DOK6: variants seen among roughly 807,000 people sequenced by gnomAD.
The protein encoded by DOK6 is downstream of tyrosine kinase 6.
DOK6 carries 22 observed loss-of-function variants against 44.0 expected under a neutral mutation model. The observed-to-expected ratio is 0.50, with a 90% CI of 0.36 to 0.71. DOK6 has a LOEUF of 0.71. DOK6 is among the 30% of genes least tolerant of loss of function. The pLI, the probability that DOK6 is intolerant of heterozygous loss-of-function variation, is 0.00. For missense variants in DOK6, 340 were observed against 416.4 expected (o/e 0.82, Z 1.60); for synonymous variants, 166 against 145.5 (o/e 1.14, Z -1.01).
At chr18:69,796,453 T>C (rs909280711) in intron 7 of DOK6, among the ~76,000 whole-genome samples, 2 of 152,148 alleles carry the variant, frequency 1.3e-5, no homozygotes, top group African/African-American at 2.4e-5. Flanking sequence ...CTTTCACCTC[T>C]TTGCCAGCCT....
At chr18:69,565,910 T>A (rs1265890339) in intron 2 of DOK6, among the ~76,000 whole-genome samples, 1 of 152,236 alleles carries the variant, frequency 6.6e-6, no homozygotes, top group East Asian at 1.9e-4. Context: ...GTTATAACTA[T>A]GATTATGACT....
intron 1 of DOK6, among the ~76,000 whole-genome samples, chr18:69,482,989 G>T (rs892697002): frequency 1.3e-5 from 2 of 151,716 alleles, no homozygotes; most frequent in African/African-American, 4.8e-5. Flanking sequence ...TCATAACCCA[G>T]GTATTAAGCC....
intron 6 of DOK6, among the ~76,000 whole-genome samples, chr18:69,756,773 A>C (rs1282088691): frequency 2.0e-5 from 3 of 152,244 alleles, no homozygotes; most frequent in African/African-American, 7.2e-5. Context: ...TACACACCAC[A>C]GTAGCAGAAA....
chr18:69,492,241 A>C (rs1053390439), intron 1 of DOK6, among the ~76,000 whole-genome samples: 1 of 152,172 alleles, frequency 6.6e-6, no homozygotes, highest in Non-Finnish European at 1.5e-5. Context: ...TCACACAATT[A>C]ATTTTAAATT....
In DOK6 at chr18:69,401,093, C is replaced by T. The variant is rs1022605127; in HGVS notation, c.-152C>T. On this transcript the variant is annotated 5_prime_UTR_variant, in exon 1 of 8. Coordinates refer to ENST00000382713, the MANE Select transcript of DOK6 (RefSeq NM_152721.6). ...GGCGGCCCTGCAGGCGACCCCGCGT[C>T]CCCACCGGCGGGAGCTCGGGGAAGA... 9.5e-6 allele frequency: 6 copies of T among 633,930 alleles called. No individual in the cohort carries two copies. Among genetic ancestry groups the T allele is most frequent in the Non-Finnish European group, 1.3e-5 (6 of 457,020 alleles). The allele number at this position is 633,930 out of a possible 1,614,324, so 39.3% of individuals were successfully genotyped here.
At chr18:69,727,770 T>A (rs1216023337) in intron 5 of DOK6, among the ~76,000 whole-genome samples, 1 of 152,220 alleles carries the variant, frequency 6.6e-6, no homozygotes, top group Non-Finnish European at 1.5e-5. Context: ...GTTAAGAAAC[T>A]GTAAATTCTT....
At chr18:69,539,888 G>A (rs981616720) in intron 1 of DOK6, among the ~76,000 whole-genome samples, 4 of 152,010 alleles carry the variant, frequency 2.6e-5, no homozygotes, top group Non-Finnish European at 5.9e-5. Context: ...ATAAATACCC[G>A]GGACTGGGAA....
Position 69,612,091 on chromosome 18 carries a change from A to C in DOK6, c.289+12593A>C, listed in dbSNP as rs137961558. On this transcript the variant is annotated intron_variant, in intron 3 of 7. Transcript: ENST00000382713. ...CTGGGGGAAACTGGACAAAATGTAC[A>C]CAGGATGTCTCTATCATTTCTCATA... Among the ~76,000 whole-genome samples, 237 of 152,304 alleles carry C rather than the reference A, an allele frequency of 1.6e-3. 2 individuals are homozygous for C. Among genetic ancestry groups the C allele is most frequent in the African/African-American group, 5.4e-3 (225 of 41,580 alleles).
At position 69,521,169 on chromosome 18, in the gene DOK6, G is replaced by C. The variant is rs535197928; in HGVS notation, c.67-43318G>C. ...AACCATCTATAAACATTATAGAATT[G>C]TTCTTAAACATCTAGCATCTCTATG... On this transcript the variant is annotated intron_variant, in intron 1 of 7. Transcript: ENST00000382713. Among the ~76,000 whole-genome samples the C allele has an allele frequency of 6.6e-5, 10 of 151,754 alleles. No homozygotes were observed. In the South Asian group the frequency reaches 2.1e-3, roughly 31 times the overall value.
At chr18:69,702,046 A>T (rs1986532786) in intron 5 of DOK6, among the ~76,000 whole-genome samples, 1 of 151,898 alleles carries the variant, frequency 6.6e-6, no homozygotes. Context: ...TATATACACT[A>T]TAAGGTCTAA....
intron 2 of DOK6, among the ~76,000 whole-genome samples, chr18:69,580,568 G>A (rs775527306): frequency 2.6e-5 from 4 of 151,918 alleles, no homozygotes; most frequent in Non-Finnish European, 5.9e-5. Context: ...CATAATAATT[G>A]TACATATTTA....
intron 3 of DOK6, among the ~76,000 whole-genome samples, chr18:69,667,900 T>C (rs532087600): frequency 2.6e-4 from 40 of 152,206 alleles, no homozygotes; most frequent in Non-Finnish European, 4.9e-4. Flanking sequence ...TCTGAATTTC[T>C]CTCCTGAATA....
intron 7 of DOK6, among the ~76,000 whole-genome samples, chr18:69,831,700 C>G (rs188351332): frequency 6.9e-4 from 105 of 152,290 alleles, no homozygotes; most frequent in African/African-American, 2.4e-3. Context: ...GCTACTGAGA[C>G]CCTGAGATCT....
intron 3 of DOK6, among the ~76,000 whole-genome samples, chr18:69,659,434 G>A (rs930375247): frequency 6.6e-6 from 1 of 152,172 alleles, no homozygotes; most frequent in African/African-American, 2.4e-5. Flanking sequence ...AATATGATAG[G>A]TTATGTGTTT....
chr18:69,534,358 T>A (rs2144575826), intron 1 of DOK6, among the ~76,000 whole-genome samples: 1 of 152,266 alleles, frequency 6.6e-6, no homozygotes, highest in East Asian at 1.9e-4. Context: ...AGCTGACAAC[T>A]TCGCAATTAT....
At chr18:69,484,324 A>G (rs138114656) in intron 1 of DOK6, among the ~76,000 whole-genome samples, 103 of 150,738 alleles carry the variant, frequency 6.8e-4, no homozygotes, top group African/African-American at 2.4e-3. Flanking sequence ...AAGGAATCCA[A>G]ATAAATGTTT....
intron 7 of DOK6, among the ~76,000 whole-genome samples, chr18:69,830,121 G>A (rs1337873683): frequency 2.6e-5 from 4 of 151,842 alleles, no homozygotes; most frequent in East Asian, 1.9e-4. Context: ...TTGTTCCAAC[G>A]TCCAAACCCA....
chr18:69,463,705 CTATG>C (rs1979849521), intron 1 of DOK6, among the ~76,000 whole-genome samples: 2 of 151,038 alleles, frequency 1.3e-5, no homozygotes, highest in Admixed American at 6.6e-5. Context: ...GTGTGTGTGT[CTATG>C]TGTGTATGTG....
intron 1 of DOK6, among the ~76,000 whole-genome samples, chr18:69,511,780 C>T (rs980183109): frequency 6.6e-6 from 1 of 152,214 alleles, no homozygotes; most frequent in African/African-American, 2.4e-5. Flanking sequence ...GAATACCTTA[C>T]TATCACCATT....
Sources: gnomAD v4.1 joint callset for allele counts (sites outside exome capture counted in the v4.1 genomes callset) on GRCh38, gnomAD v4.1.1 for gene constraint, MANE v1.5 for transcripts, NCBI Gene and HGNC (gene_info 2026-07-23, HGNC 2026-07-21) for gene names.